CHD3: variants seen among roughly 807,000 people sequenced by gnomAD.
CHD3 encodes ATP-dependent chromatin remodeler CHD3.
A neutral mutation model predicts 248.9 loss-of-function variants in CHD3; 52 were observed. The ratio of observed to expected loss-of-function variants is 0.21; its 90% CI spans 0.17 to 0.26. The LOEUF is 0.26. Ranked by LOEUF, CHD3 falls within the 10% of genes least tolerant of loss-of-function variation. The probability of loss-of-function intolerance (pLI) is 1.00; values close to 1 mark genes in which losing one functional copy is unlikely to be tolerated. For synonymous variants in CHD3, 985 were observed against 985.2 expected (o/e 1.00, Z 0.00); for missense variants, 1,482 against 2,605.8 (o/e 0.57, Z 9.39).
rs903794624 is a variant in CHD3, at chr17:7,908,832, G to A, written c.5394+3G>A. On this transcript the variant is annotated splice_donor_region_variant and intron_variant, in intron 36 of 39. Transcript: ENST00000330494. This position sits in a 1 kb window ranked among gnomAD's most constrained non-coding sequence, Gnocchi z 5.8. ...AGTTCCTGGCCCGGAGGTTCAAGGT[G>A]GGAATGAGGGAGGAAAGGAGCGGGT... 2 of 1,614,084 alleles carry A rather than the reference G, an allele frequency of 1.2e-6. No individual in the cohort carries two copies. Among genetic ancestry groups the A allele is most frequent in the Non-Finnish European group, 1.7e-6 (2 of 1,179,980 alleles).
rs997757267 is a variant in CHD3, at chr17:7,911,513, G to C, written c.5931G>C (p.Val1977=). The change falls in exon 40 of 40, where the codon GTG becomes GTC. Residue 1977 remains valine (V), a synonymous_variant. Transcript: ENST00000330494. This position sits in a 1 kb window ranked among gnomAD's most constrained non-coding sequence, Gnocchi z 5.4. ...PVLVKKEKEM[V]GALVSDGLDR... is the part of the protein sequence containing the mutation. ...TTGTGAAGAAGGAGAAGGAAATGGTGGGGGCATTGGTGTCAGACGGGCTGG... is the reference window on the plus strand; with the variant it reads ...TTGTGAAGAAGGAGAAGGAAATGGTCGGGGCATTGGTGTCAGACGGGCTGG... The C allele has an allele frequency of 6.2e-7, 1 of 1,614,196 alleles. No individual in the cohort carries two copies. Among genetic ancestry groups the C allele is most frequent in the Non-Finnish European group, 8.5e-7 (1 of 1,180,038 alleles).
In CHD3 at chr17:7,909,052, G is replaced by A; in HGVS notation, c.5395-91G>A. Reference sequence around the variant, plus strand: ...GGAGTGCCCTGGGCCAGCAGTGAGGGCAGGGTGGGTCTCTTGCTATGTCCG... The same window carrying A: ...GGAGTGCCCTGGGCCAGCAGTGAGGACAGGGTGGGTCTCTTGCTATGTCCG... On this transcript the variant is annotated intron_variant, in intron 36 of 39. Coordinates refer to ENST00000330494, the MANE Select transcript of CHD3 (RefSeq NM_001005273.3). This position sits in a 1 kb window ranked among gnomAD's most constrained non-coding sequence, Gnocchi z 8.1. The A allele has an allele frequency of 6.6e-7, 1 of 1,514,452 alleles. No individual in the cohort carries two copies. 93.8% of individuals were successfully genotyped at this position (1,514,452 alleles called of 1,614,324 possible).
At position 7,904,623 on chromosome 17, in the gene CHD3, A is replaced by T; in HGVS notation, c.4072+4A>T. ...GATGCTGCTCAGGAAGACCAAGGTG[A>T]GGACTGCCCCAGATGCAGGCAGTAA... is the stretch of plus-strand genomic sequence containing the variant. On this transcript the variant is annotated splice_donor_region_variant and intron_variant, in intron 25 of 39. Transcript: ENST00000330494. This position sits in a 1 kb window ranked among gnomAD's most constrained non-coding sequence, Gnocchi z 4.4. 1 of 1,611,620 alleles carries T rather than the reference A, an allele frequency of 6.2e-7. No individual in the cohort carries two copies. Among genetic ancestry groups the T allele is most frequent in the Non-Finnish European group, 8.5e-7 (1 of 1,178,004 alleles).
intron 10 of CHD3, among the ~76,000 whole-genome samples, chr17:7,896,739 A>G (rs1306878935): frequency 6.7e-6 from 1 of 150,266 alleles, no homozygotes; most frequent in Non-Finnish European, 1.5e-5. Flanking sequence ...GCTCGCTGCA[A>G]CCTCCGCCTC....
At chr17:7,888,737 T>TGCGCGCGC (rs1477181337), upstream of CHD3, 2 of 1,089,384 alleles carry the variant, frequency 1.8e-6, no homozygotes, top group Admixed American at 7.5e-5. Flanking sequence ...GGTGCGCGCG[T>TGCGCGCGC]GCGCGCGCGT....
chr17:7,898,523 C>A lies in CHD3; in HGVS notation c.2079C>A (p.Ala693=). 6.2e-7 allele frequency: 1 copy of A among 1,614,026 alleles called. No individual in the cohort carries two copies. The highest frequency in any genetic ancestry group is 8.5e-7 in the Non-Finnish European group (1 of 1,179,944). Residue 693 remains alanine, a synonymous_variant, in exon 13 of 40, where the codon GCC becomes GCA. Coordinates refer to ENST00000330494, the MANE Select transcript of CHD3 (RefSeq NM_001005273.3). ...AACTAATTATGGGGGAAGACCCTGC[C>A]CAGCCCCGCAAGTATAAGAAGAAGA... The part of the protein sequence containing the change: ...HRELIMGEDP[A]QPRKYKKKKK...
chr17:7,888,140 C>A (rs950876645), upstream of CHD3, among the ~76,000 whole-genome samples: 1 of 152,216 alleles, frequency 6.6e-6, no homozygotes, highest in African/African-American at 2.4e-5. Flanking sequence ...TCCTTGCTGA[C>A]TTCCTATTAC....
intron 20 of CHD3, among the ~76,000 whole-genome samples, chr17:7,902,146 C>T (rs1395039141): frequency 3.3e-5 from 5 of 151,908 alleles, no homozygotes; most frequent in Admixed American, 2.0e-4. Flanking sequence ...GAGGGCCAGA[C>T]GTGGTGGCTC....
chr17:7,901,197 CATGTTTCCA>C, intron 19 of CHD3, 38 bp from the exon 20 acceptor site: 1 of 1,555,674 alleles, frequency 6.4e-7, no homozygotes. Context: ...AATATGGGGG[CATGTTTCCA>C]ACTGACCCCC....
Position 7,894,486 on chromosome 17 carries a change from G to GAGGT in CHD3, c.1148_1151dup (p.Cys385GlyfsTer12). The GAGGT allele has an allele frequency of 6.2e-7, 1 of 1,614,150 alleles. No homozygotes were observed. Among genetic ancestry groups the GAGGT allele is most frequent in the Non-Finnish European group, 8.5e-7 (1 of 1,180,024 alleles). On this transcript the variant is annotated frameshift_variant, in exon 8 of 40. Coordinates refer to ENST00000330494, the MANE Select transcript of CHD3 (RefSeq NM_001005273.3). LOFTEE classifies it high-confidence loss of function. ...CGAGACGGATCACCAGGATTACTGTGAGGTGTGCCAGCAGGGTGGGGAAAT... is the reference window on the plus strand; with the variant it reads ...CGAGACGGATCACCAGGATTACTGTGAGGTAGGTGTGCCAGCAGGGTGGGGAAAT...
In CHD3 at chr17:7,894,240, C is replaced by A; in HGVS notation, c.1050C>A (p.Gly350=). 6.2e-7 allele frequency: 1 copy of A among 1,614,086 alleles called. No homozygotes were observed. Residue 350 remains glycine, a synonymous_variant, in exon 7 of 40, where the codon GGC becomes GGA. Coordinates refer to ENST00000330494, the MANE Select transcript of CHD3 (RefSeq NM_001005273.3). ...TCCGCACCAAGAAACTAAAGAGAGG[C>A]CGGCCAGGAAGGAAGAAGAAGAAGG... ...GPVRTKKLKR[G]RPGRKKKKVL...
Position 7,908,141 on chromosome 17 carries a change from T to C in CHD3, c.5152+122T>C. The C allele has an allele frequency of 8.0e-7, 1 of 1,252,494 alleles. No individual in the cohort carries two copies. The highest frequency in any genetic ancestry group is 1.1e-6 in the Non-Finnish European group (1 of 898,688). The allele number at this position is 1,252,494 out of a possible 1,614,324, so 77.6% of individuals were successfully genotyped here. ...CCAAGTAACTTCCAATGAAGTATGT[T>C]GCATGCTGACTCCGATCCTTGCTCT... is the stretch of plus-strand genomic sequence containing the variant. On this transcript the variant is annotated intron_variant, in intron 34 of 39. Coordinates refer to ENST00000330494, the MANE Select transcript of CHD3 (RefSeq NM_001005273.3). The surrounding 1 kb of genome is among the most constrained non-coding windows in gnomAD (Gnocchi z 5.8).
At chr17:7,891,117 G>C (rs1968790744) in intron 4 of CHD3, 53 bp downstream of exon 4, 1 of 1,595,570 alleles carries the variant, frequency 6.3e-7, no homozygotes, top group Non-Finnish European at 8.6e-7. Context: ...TTTGAGGGAG[G>C]TCCTGGACCC....
intron 3 of CHD3, 50 bp downstream of exon 3, chr17:7,890,791 A>T (rs1259999482): frequency 1.3e-6 from 2 of 1,582,694 alleles, no homozygotes; most frequent in East Asian, 2.2e-5. Flanking sequence ...AAAGACGGGC[A>T]TGAGGAGGGG....
At position 7,895,517 on chromosome 17, in the gene CHD3, A is replaced by G. The variant is rs1294122439; in HGVS notation, c.1682A>G (p.His561Arg). The G allele has an allele frequency of 6.2e-7, 1 of 1,614,042 alleles. No homozygotes were observed. The highest frequency in any genetic ancestry group is 8.5e-7 in the Non-Finnish European group (1 of 1,179,984). ...FVKWVGLSYW[H>R]CSWAKELQLE... ...AAGTGGGTAGGACTATCCTACTGGC[A>G]CTGCTCCTGGGCCAAGGAGCTTCAG... is the stretch of plus-strand genomic sequence containing the variant. Residue 561 changes from histidine (H) to arginine (R), a missense_variant, in exon 10 of 40, where the codon CAC becomes CGC. Physicochemically the swap from His to Arg is conservative, Grantham distance 29. Coordinates refer to ENST00000330494, the MANE Select transcript of CHD3 (RefSeq NM_001005273.3). The surrounding 1 kb of genome is among the most constrained non-coding windows in gnomAD (Gnocchi z 4.9).
In CHD3 at chr17:7,911,810, G is replaced by T; in HGVS notation, c.*225G>T. On this transcript the variant is annotated 3_prime_UTR_variant, in exon 40 of 40. Transcript: ENST00000330494. This position sits in a 1 kb window ranked among gnomAD's most constrained non-coding sequence, Gnocchi z 5.4. ...CAAGCCTTGAAGACTGTGCTGGTGAGAAGAAGTCTGGGTGGGAGATGGCTG... is the reference window on the plus strand; with the variant it reads ...CAAGCCTTGAAGACTGTGCTGGTGATAAGAAGTCTGGGTGGGAGATGGCTG... 1 of 1,381,988 alleles carries T rather than the reference G, an allele frequency of 7.2e-7. No individual in the cohort carries two copies. The highest frequency in any genetic ancestry group is 9.6e-7 in the Non-Finnish European group (1 of 1,037,790). The allele number at this position is 1,381,988 out of a possible 1,614,324, so 85.6% of individuals were successfully genotyped here.
chr17:7,891,537 G>A (rs1026123094), intron 4 of CHD3, among the ~76,000 whole-genome samples: 2 of 152,158 alleles, frequency 1.3e-5, no homozygotes, highest in South Asian at 2.1e-4. Flanking sequence ...AGTGGCTCCT[G>A]AAGAAAAGTA....
intron 7 of CHD3, 42 bp downstream of exon 7, chr17:7,894,307 C>T (rs369569998): frequency 3.8e-5 from 60 of 1,597,936 alleles, no homozygotes; most frequent in Non-Finnish European, 4.9e-5. Flanking sequence ...AGTGGGCCGT[C>T]CTCTCATTCT....
In CHD3 at chr17:7,905,286, C is replaced by A; in HGVS notation, c.4138+121C>A. 2.3e-6 allele frequency: 2 copies of A among 867,282 alleles called. No homozygotes were observed. Among genetic ancestry groups the A allele is most frequent in the Non-Finnish European group, 3.8e-6 (2 of 524,464 alleles). 53.7% of individuals were successfully genotyped at this position (867,282 alleles called of 1,614,324 possible). A position where few individuals can be genotyped will look rare whatever the true frequency, so the allele number is the denominator to read the frequency against. ...GTGTGTGTGTGGAAAAACTCGATTGCAGATGAGCAGAAAGGAAGAAATATT... is the reference window on the plus strand; with the variant it reads ...GTGTGTGTGTGGAAAAACTCGATTGAAGATGAGCAGAAAGGAAGAAATATT... On this transcript the variant is annotated intron_variant, in intron 26 of 39. Transcript: ENST00000330494. This position sits in a 1 kb window ranked among gnomAD's most constrained non-coding sequence, Gnocchi z 5.8.
Sources: allele counts gnomAD v4.1 joint callset (sites outside exome capture counted in the v4.1 genomes callset), GRCh38; gene constraint gnomAD v4.1.1; non-coding constraint Gnocchi (gnomAD v3.1); transcripts MANE v1.5; gene names NCBI Gene and HGNC (gene_info 2026-07-23, HGNC 2026-07-21).